NUAK1: variants seen among roughly 807,000 people sequenced by gnomAD.
The protein encoded by NUAK1 is NUAK family SNF1-like kinase 1.
NUAK1 carries 26 observed loss-of-function variants against 56.9 expected under a neutral mutation model. The observed-to-expected ratio is 0.46, with a 90% confidence interval of 0.33 to 0.63. NUAK1 has a LOEUF of 0.63. NUAK1 is among the 30% of genes least tolerant of loss of function. NUAK1 has a pLI of 0.02. For missense variants in NUAK1, 727 were observed against 876.1 expected, an observed-to-expected ratio of 0.83 and a Z score of 2.15; for synonymous variants, 337 against 336.0, an observed-to-expected ratio of 1.00 and a Z score of -0.03.
In NUAK1 at chr12:106,138,604, A is replaced by T; in HGVS notation, c.50T>A (p.Leu17Gln). 1 of 1,561,632 alleles carries T rather than the reference A, an allele frequency of 6.4e-7. No homozygotes were observed. Among genetic ancestry groups the T allele is most frequent in the Non-Finnish European group, 8.6e-7 (1 of 1,161,344 alleles). Residue 17 changes from leucine (L) to glutamine (Q), a missense_variant, in exon 1 of 7, where the codon CTG becomes CAG. By Grantham distance (113) the Leu-to-Gln change is moderately radical. Transcript: ENST00000261402. The surrounding 1 kb of genome is among the most constrained non-coding windows in gnomAD (Gnocchi z 5.0). Reference protein sequence around the residue: ...PVAGDRPDLGLGAPGSPREAV... With the variant: ...PVAGDRPDLGQGAPGSPREAV... Reference sequence around the variant, plus strand: ...CTCTCGGGGAGAGCCCGGCGCCCCCAGCCCCAAGTCGGGGCGGTCCCCCGC... The same window carrying T: ...CTCTCGGGGAGAGCCCGGCGCCCCCTGCCCCAAGTCGGGGCGGTCCCCCGC...
intron 2 of NUAK1, among the ~76,000 whole-genome samples, chr12:106,093,405 A>T (rs2032656700): frequency 6.6e-6 from 1 of 152,208 alleles, no homozygotes; most frequent in African/African-American, 2.4e-5. Context: ...ACTTCTCCAC[A>T]TTAATCCTGA....
intron 1 of NUAK1, among the ~76,000 whole-genome samples, chr12:106,114,091 T>C (rs928520710): frequency 6.6e-6 from 1 of 152,206 alleles, no homozygotes; most frequent in African/African-American, 2.4e-5. Context: ...ACTGTTTTTC[T>C]TCCAGGTTAC....
At chr12:106,080,905 G>A (rs955182371) in intron 4 of NUAK1, among the ~76,000 whole-genome samples, 4 of 152,222 alleles carry the variant, frequency 2.6e-5, no homozygotes, top group Non-Finnish European at 5.9e-5. Context: ...CACAGAGGCC[G>A]GCTTGTGGCC....
Position 106,138,754 on chromosome 12 carries a change from C to G in NUAK1, c.-101G>C. The stretch of plus-strand genomic sequence containing the variant: ...GGAAGCCGCTGTACGCTCAAGGTCG[C>G]CCCCGCAGCATCAGGGAGGCGGCCC... On this transcript the variant is annotated 5_prime_UTR_variant, in exon 1 of 7. Coordinates refer to ENST00000261402, the MANE Select transcript of NUAK1 (RefSeq NM_014840.3). The surrounding 1 kb of genome is among the most constrained non-coding windows in gnomAD (Gnocchi z 5.0). The G allele has an allele frequency of 1.4e-6, 2 of 1,400,704 alleles. No individual in the cohort carries two copies. Among genetic ancestry groups the G allele is most frequent in the South Asian group, 1.6e-5 (1 of 64,408 alleles). 86.8% of individuals were successfully genotyped at this position (1,400,704 alleles called of 1,614,324 possible). A position where few individuals can be genotyped will look rare whatever the true frequency, so the allele number is the denominator to read the frequency against.
rs960332645 is a variant in NUAK1 at position 106,138,836 on chromosome 12, G to A, written c.-183C>T. ...CGGCGGCGGGGACTGCACATCTGGCGCCCGCGGCGCGCACGGTCCGCGCAC... is the reference window on the plus strand; with the variant it reads ...CGGCGGCGGGGACTGCACATCTGGCACCCGCGGCGCGCACGGTCCGCGCAC... On this transcript the variant is annotated 5_prime_UTR_variant, in exon 1 of 7. Coordinates refer to ENST00000261402, the MANE Select transcript of NUAK1 (RefSeq NM_014840.3). This position sits in a 1 kb window ranked among gnomAD's most constrained non-coding sequence, Gnocchi z 5.0. 5 of 769,426 alleles carry A rather than the reference G, an allele frequency of 6.5e-6. No homozygotes were observed. Among genetic ancestry groups the A allele is most frequent in the Admixed American group, 4.3e-5 (1 of 23,192 alleles). 47.7% of individuals were successfully genotyped at this position (769,426 alleles called of 1,614,324 possible).
At chr12:106,068,040 G>GAC in intron 6 of NUAK1, 85 bp from the exon 7 acceptor site, 1 of 1,296,518 alleles carries the variant, frequency 7.7e-7, no homozygotes, top group South Asian at 1.4e-5. Context: ...AGTGACGAAA[G>GAC]ACACACACTC....
At position 106,070,727 on chromosome 12, in the gene NUAK1, G is replaced by C. The variant is rs758450327; in HGVS notation, c.832+47C>G. On this transcript the variant is annotated intron_variant, in intron 6 of 6. Coordinates refer to ENST00000261402, the MANE Select transcript of NUAK1 (RefSeq NM_014840.3). ...GCAGAAAATAAGAGTTGGGTAAGCA[G>C]ATCTCTCTCCCCTCCACCTCTGACC... 12 of 1,610,784 alleles carry C rather than the reference G, an allele frequency of 7.4e-6. No individual in the cohort carries two copies. The East Asian group carries it at 2.7e-4, about 36-fold the overall frequency.
chr12:106,131,661 C>T (rs564954703), intron 1 of NUAK1, among the ~76,000 whole-genome samples: 1 of 152,316 alleles, frequency 6.6e-6, no homozygotes, highest in African/African-American at 2.4e-5. Context: ...CACTTTGGGG[C>T]TCTTACTAAT....
chr12:106,066,446 T>C lies in NUAK1; in HGVS notation c.*356A>G. ...AAACAGCCCAAGTGTCTCCTGCCCC[T>C]CCTCCAGAAGCATCTGGATGACTTC... On this transcript the variant is annotated 3_prime_UTR_variant, in exon 7 of 7. Transcript: ENST00000261402. The C allele has an allele frequency of 4.4e-6, 1 of 227,472 alleles. No individual in the cohort carries two copies. The highest frequency in any genetic ancestry group is 2.4e-5 in the African/African-American group (1 of 41,780). 14.1% of individuals were successfully genotyped at this position (227,472 alleles called of 1,614,324 possible).
intron 1 of NUAK1, among the ~76,000 whole-genome samples, chr12:106,112,111 G>A (rs1407918722): frequency 6.6e-6 from 1 of 151,872 alleles, no homozygotes; most frequent in African/African-American, 2.4e-5. Flanking sequence ...CAAAAGGAGG[G>A]ACTGGAGGGC....
At chr12:106,072,585 A>C in intron 5 of NUAK1, 139 bp downstream of exon 5, 1 of 941,400 alleles carries the variant, frequency 1.1e-6, no homozygotes, top group South Asian at 1.9e-5. Flanking sequence ...AACTGCTTTT[A>C]TAATCGTATA....
intron 2 of NUAK1, among the ~76,000 whole-genome samples, chr12:106,087,780 C>T (rs950262104): frequency 3.9e-5 from 6 of 152,210 alleles, no homozygotes; most frequent in Non-Finnish European, 5.9e-5. Flanking sequence ...GAAACTGGCA[C>T]GGCCTGCAAT....
At chr12:106,122,854 C>T (rs1157291117) in intron 1 of NUAK1, among the ~76,000 whole-genome samples, 1 of 152,180 alleles carries the variant, frequency 6.6e-6, no homozygotes, top group Non-Finnish European at 1.5e-5. Flanking sequence ...ACAGGTGCAC[C>T]TAGGAGATTC....
At chr12:106,078,118 T>C (rs939295712) in intron 4 of NUAK1, among the ~76,000 whole-genome samples, 1 of 152,228 alleles carries the variant, frequency 6.6e-6, no homozygotes, top group African/African-American at 2.4e-5. Context: ...GCAATCCCAG[T>C]GTTTTTCAAG....
chr12:106,133,807 A>G (rs1189557964), intron 1 of NUAK1, among the ~76,000 whole-genome samples: 1 of 151,990 alleles, frequency 6.6e-6, no homozygotes, highest in African/African-American at 2.4e-5. Flanking sequence ...ACCTGAAACA[A>G]TCCTCTATGG....
rs765230050 is a variant in NUAK1 at position 106,067,486 on chromosome 12, G to C, written c.1302C>G (p.Asp434Glu). ...GGAGGAGCACGCCAGTCCTGCACAA[G>C]TCCTGCTCCATCTTGAAAGTAGAGG... ...ALPSTFKMEQ[D>E]LCRTGVLLPS... The change falls in exon 7 of 7, where the codon GAC becomes GAG. Residue 434 changes from aspartate (D) to glutamate (E), a missense_variant. Physicochemically the swap from Asp to Glu is conservative, Grantham distance 45. Coordinates refer to ENST00000261402, the MANE Select transcript of NUAK1 (RefSeq NM_014840.3). This position sits in a 1 kb window ranked among gnomAD's most constrained non-coding sequence, Gnocchi z 6.0. The C allele has an allele frequency of 6.2e-7, 1 of 1,614,168 alleles. No homozygotes were observed. The highest frequency in any genetic ancestry group is 8.5e-7 in the Non-Finnish European group (1 of 1,180,038).
intron 2 of NUAK1, chr12:106,103,274 C>T (rs1277121906): frequency 2.0e-5 from 3 of 152,248 alleles, no homozygotes; most frequent in African/African-American, 7.2e-5. Context: ...TGAGAATGCA[C>T]TCTCTTTCCC....
At chr12:106,087,476 T>C (rs2032585787) in intron 2 of NUAK1, among the ~76,000 whole-genome samples, 1 of 152,244 alleles carries the variant, frequency 6.6e-6, no homozygotes, top group South Asian at 2.1e-4. Context: ...TAAAAGGGGG[T>C]TGTCCTGTTT....
intron 2 of NUAK1, among the ~76,000 whole-genome samples, chr12:106,098,721 G>A (rs2032718434): frequency 6.6e-6 from 1 of 152,062 alleles, no homozygotes; most frequent in South Asian, 2.1e-4. Context: ...GTTACCAGAT[G>A]GGATGCTAAA....
Sources: gnomAD v4.1 joint callset for allele counts (sites outside exome capture counted in the v4.1 genomes callset) on GRCh38, gnomAD v4.1.1 for gene constraint, Gnocchi (gnomAD v3.1) non-coding constraint, MANE v1.5 for transcripts, NCBI Gene and HGNC (gene_info 2026-07-23, HGNC 2026-07-21) for gene names.